Variants in GPC6 observed in about 807,000 individuals in gnomAD.
GPC6 encodes glypican-6.
GPC6 carries 14 observed loss-of-function variants against 55.2 expected under a neutral mutation model. The observed-to-expected ratio is 0.25, with a 90% CI of 0.17 to 0.40. GPC6 has a LOEUF of 0.40. Among genes scored for constraint, GPC6 ranks in the 10% least tolerant of loss-of-function variants. The pLI is 1.00. For synonymous variants in GPC6, 278 were observed against 259.6 expected (o/e 1.07, Z -0.68); for missense variants, 641 against 708.5 (o/e 0.90, Z 1.08).
chr13:93,262,966 T>C (rs1457322713), intron 1 of GPC6, among the ~76,000 whole-genome samples: 1 of 152,176 alleles, frequency 6.6e-6, no homozygotes, highest in Non-Finnish European at 1.5e-5. Flanking sequence ...GAGAGAGTCA[T>C]ACAAATGGAG....
chr13:93,432,675 CA>C (rs1877406409), intron 1 of GPC6, among the ~76,000 whole-genome samples: 1 of 152,074 alleles, frequency 6.6e-6, no homozygotes, highest in South Asian at 2.1e-4. Context: ...TAGAAACAAG[CA>C]GTAAGTAAAA....
chr13:93,944,350 C>T (rs1234080560), intron 3 of GPC6, among the ~76,000 whole-genome samples: 1 of 152,002 alleles, frequency 6.6e-6, no homozygotes, highest in Non-Finnish European at 1.5e-5. Context: ...ACTACAGGCG[C>T]CCGCCACCAT....
intron 2 of GPC6, among the ~76,000 whole-genome samples, chr13:93,646,479 G>A (rs895980238): frequency 2.0e-5 from 3 of 152,072 alleles, no homozygotes; most frequent in African/African-American, 7.2e-5. Context: ...GTCATCAACA[G>A]TTTGGGATGA....
intron 3 of GPC6, among the ~76,000 whole-genome samples, chr13:94,007,636 G>A (rs1045285670): frequency 6.6e-6 from 1 of 151,950 alleles, no homozygotes; most frequent in Non-Finnish European, 1.5e-5. Flanking sequence ...AGTCTTTTTA[G>A]CAGTTTATTT....
At chr13:93,547,050 G>A (rs536415206) in intron 2 of GPC6, among the ~76,000 whole-genome samples, 1 of 152,056 alleles carries the variant, frequency 6.6e-6, no homozygotes, top group African/African-American at 2.4e-5. Flanking sequence ...GACTGAGCCG[G>A]CCAGGCATGG....
At chr13:93,895,328 C>T (rs1370087191) in intron 3 of GPC6, among the ~76,000 whole-genome samples, 2 of 144,460 alleles carry the variant, frequency 1.4e-5, no homozygotes, top group Non-Finnish European at 3.0e-5. Flanking sequence ...GAATTTGAGT[C>T]TGTGCTGGGC....
intron 4 of GPC6, among the ~76,000 whole-genome samples, chr13:94,143,718 T>A (rs1490881837): frequency 6.6e-6 from 1 of 151,934 alleles, no homozygotes; most frequent in African/African-American, 2.4e-5. Context: ...CAAAACCCCA[T>A]CTTTACAAAA....
chr13:94,242,444 C>A (rs996298555), intron 4 of GPC6, among the ~76,000 whole-genome samples: 5 of 151,964 alleles, frequency 3.3e-5, no homozygotes, highest in Non-Finnish European at 7.4e-5. Context: ...CACATGCACA[C>A]GTATGTTTAT....
chr13:93,371,724 C>T (rs1415365182), intron 1 of GPC6, among the ~76,000 whole-genome samples: 2 of 151,946 alleles, frequency 1.3e-5, no homozygotes, highest in Non-Finnish European at 2.9e-5. Flanking sequence ...AACTAAAGCA[C>T]TAGTGTGGAT....
At chr13:93,506,534 C>T (rs1206729148) in intron 1 of GPC6, among the ~76,000 whole-genome samples, 1 of 152,122 alleles carries the variant, frequency 6.6e-6, no homozygotes, top group Non-Finnish European at 1.5e-5. Context: ...TGTGGGAGGG[C>T]TAGGCATTTC....
intron 3 of GPC6, among the ~76,000 whole-genome samples, chr13:93,954,266 A>G (rs1879395899): frequency 6.6e-6 from 1 of 152,220 alleles, no homozygotes; most frequent in Non-Finnish European, 1.5e-5. Flanking sequence ...AAGTGTATAT[A>G]TATTATAAAA....
intron 1 of GPC6, among the ~76,000 whole-genome samples, chr13:93,420,435 A>G (rs1196882351): frequency 6.6e-6 from 1 of 152,100 alleles, no homozygotes; most frequent in African/African-American, 2.4e-5. Flanking sequence ...TGGAAAATGC[A>G]AAAGCCCTCA....
chr13:93,979,656 A>G (rs987646124), intron 3 of GPC6, among the ~76,000 whole-genome samples: 3 of 152,122 alleles, frequency 2.0e-5, no homozygotes, highest in African/African-American at 7.2e-5. Flanking sequence ...TCAACGCATT[A>G]AACAAGGCAC....
intron 5 of GPC6, 108 bp from the exon 6 acceptor site, chr13:94,305,871 TA>T (rs1875916952): frequency 2.0e-6 from 2 of 1,024,938 alleles, no homozygotes; most frequent in Admixed American, 1.7e-5. Context: ...TTATTGGAGG[TA>T]AAAGTTTCAT....
intron 1 of GPC6, among the ~76,000 whole-genome samples, chr13:93,517,860 A>C (rs2139394752): frequency 6.6e-6 from 1 of 152,210 alleles, no homozygotes; most frequent in Non-Finnish European, 1.5e-5. Context: ...AAAGCACATA[A>C]GTCAGCAATT....
intron 1 of GPC6, among the ~76,000 whole-genome samples, chr13:93,268,282 G>T (rs555971037): frequency 2.6e-5 from 4 of 152,270 alleles, no homozygotes; most frequent in East Asian, 1.9e-4. Flanking sequence ...GGTCAAGACT[G>T]GTCCCGCCTG....
chr13:93,239,995 T>C (rs1016474599), intron 1 of GPC6, among the ~76,000 whole-genome samples: 1 of 152,146 alleles, frequency 6.6e-6, no homozygotes, highest in Non-Finnish European at 1.5e-5. Context: ...TCTGAGAAGA[T>C]GCCTGATATG....
chr13:93,862,498 A>AG (rs1337892209), intron 3 of GPC6, among the ~76,000 whole-genome samples: 3 of 151,740 alleles, frequency 2.0e-5, no homozygotes, highest in Middle Eastern at 3.4e-3. Context: ...ACATAAAAGG[A>AG]GGAGGAGGAG....
At chr13:93,477,156 T>A (rs1032260613) in intron 1 of GPC6, among the ~76,000 whole-genome samples, 1 of 152,124 alleles carries the variant, frequency 6.6e-6, no homozygotes, top group Non-Finnish European at 1.5e-5. Context: ...TTAACATTAT[T>A]TATATTTAAA....
Sources: gnomAD v4.1 joint callset for allele counts (sites outside exome capture counted in the v4.1 genomes callset) on GRCh38, gnomAD v4.1.1 for gene constraint, MANE v1.5 for transcripts, NCBI Gene and HGNC (gene_info 2026-07-23, HGNC 2026-07-21) for gene names.